The following NTRK3 variants were observed in gnomAD, a reference collection of about 807,000 sequenced individuals.
NTRK3 encodes NT-3 growth factor receptor.
A neutral mutation model predicts 91.7 loss-of-function variants in NTRK3; 24 were observed. The observed-to-expected ratio is 0.26, with a 90% CI of 0.19 to 0.37. The LOEUF is 0.37. Among genes scored for constraint, NTRK3 ranks in the 10% least tolerant of loss-of-function variants. The probability of loss-of-function intolerance (pLI) is 1.00; values close to 1 mark genes in which losing one functional copy is unlikely to be tolerated. For synonymous variants in NTRK3, 483 were observed against 404.0 expected, an observed-to-expected ratio of 1.20 and a Z score of -2.34; for missense variants, 880 against 1,068.9, an observed-to-expected ratio of 0.82 and a Z score of 2.46.
At chr15:88,140,763 T>C (rs2042312179) in intron 6 of NTRK3, among the ~76,000 whole-genome samples, 1 of 152,228 alleles carries the variant, frequency 6.6e-6, no homozygotes, top group African/African-American at 2.4e-5. Flanking sequence ...AAACAGATTC[T>C]ATTTCATTGT....
intron 17 of NTRK3, among the ~76,000 whole-genome samples, chr15:87,888,900 C>G (rs766315137): frequency 6.6e-6 from 1 of 152,098 alleles, no homozygotes; most frequent in African/African-American, 2.4e-5. Flanking sequence ...TCCTTTTATC[C>G]GCTGGGCTTT....
At chr15:88,204,061 G>A (rs2048525459) in intron 3 of NTRK3, among the ~76,000 whole-genome samples, 2 of 152,146 alleles carry the variant, frequency 1.3e-5, no homozygotes, top group African/African-American at 4.8e-5. Context: ...GCCCCAGTGT[G>A]TGATGTTCCT....
chr15:88,030,068 T>G (rs1237548064), intron 14 of NTRK3, among the ~76,000 whole-genome samples: 1 of 152,224 alleles, frequency 6.6e-6, no homozygotes, highest in Non-Finnish European at 1.5e-5. Context: ...AAGTCCCACT[T>G]CTTTAAAAGG....
chr15:88,135,833 C>G (rs942210626), intron 9 of NTRK3, 66 bp downstream of exon 9: 14 of 1,593,936 alleles, frequency 8.8e-6, no homozygotes, highest in Middle Eastern at 3.5e-4. Context: ...CACCTTGGCC[C>G]CTCTCCAGCC....
intron 17 of NTRK3, among the ~76,000 whole-genome samples, chr15:87,885,491 A>T (rs1428350228): frequency 6.6e-6 from 1 of 151,954 alleles, no homozygotes; most frequent in Non-Finnish European, 1.5e-5. Context: ...ACTCTATCAG[A>T]TAGCAAAGCA....
At chr15:88,055,033 C>T (rs570355967) in intron 13 of NTRK3, among the ~76,000 whole-genome samples, 1 of 152,272 alleles carries the variant, frequency 6.6e-6, no homozygotes, top group Admixed American at 6.5e-5. Flanking sequence ...AAACACTTCC[C>T]TGTGCTTTAC....
At chr15:88,072,665 G>C (rs1157393689) in intron 13 of NTRK3, 1 of 232,590 alleles carries the variant, frequency 4.3e-6, no homozygotes, top group African/African-American at 2.2e-5. Flanking sequence ...AGACACCCTT[G>C]GTTTGAAGAA....
intron 14 of NTRK3, chr15:87,978,683 G>A: frequency 4.3e-6 from 1 of 232,878 alleles, no homozygotes; most frequent in Non-Finnish European, 8.5e-6. Flanking sequence ...AGGAAGTAGG[G>A]GGCAAGTATG....
intron 14 of NTRK3, among the ~76,000 whole-genome samples, chr15:87,950,803 C>A (rs2071036983): frequency 6.6e-6 from 1 of 152,174 alleles, no homozygotes; most frequent in African/African-American, 2.4e-5. Context: ...GCTCTCTGCT[C>A]AAACCTGCAA....
At chr15:87,959,864 A>G (rs2072068226) in intron 14 of NTRK3, among the ~76,000 whole-genome samples, 1 of 152,234 alleles carries the variant, frequency 6.6e-6, no homozygotes, top group Non-Finnish European at 1.5e-5. Flanking sequence ...TCTCTGGGAC[A>G]CTGTCCCAAG....
intron 14 of NTRK3, among the ~76,000 whole-genome samples, chr15:87,946,051 T>C (rs1337834103): frequency 6.6e-6 from 1 of 152,192 alleles, no homozygotes; most frequent in African/African-American, 2.4e-5. Context: ...TCATTTCAAC[T>C]AGGAGCTCAA....
chr15:88,110,960 G>A (rs2051277392), intron 13 of NTRK3, among the ~76,000 whole-genome samples: 1 of 152,212 alleles, frequency 6.6e-6, no homozygotes, highest in African/African-American at 2.4e-5. Flanking sequence ...AAAGAGAGAA[G>A]GGACAACTTC....
exon 19 of NTRK3, chr15:87,864,738 C>G (rs2064617666): frequency 8.7e-6 from 2 of 229,046 alleles, no homozygotes; most frequent in East Asian, 1.2e-4. Context: ...TTCTAAAAAA[C>G]AGACACCAGC....
chr15:88,171,006 G>C (rs16941374), intron 5 of NTRK3, among the ~76,000 whole-genome samples: 2,493 of 152,238 alleles, frequency 0.016, 55 homozygotes, highest in African/African-American at 0.057. Context: ...AATGGGATGG[G>C]AGTTATCCTG....
At chr15:88,208,631 C>G (rs2048989356) in intron 3 of NTRK3, among the ~76,000 whole-genome samples, 1 of 152,118 alleles carries the variant, frequency 6.6e-6, no homozygotes, top group South Asian at 2.1e-4. Flanking sequence ...TGCCTGGCCA[C>G]AGAGTAGGCA....
At chr15:87,949,373 A>G (rs1482908766) in intron 14 of NTRK3, among the ~76,000 whole-genome samples, 16 of 152,010 alleles carry the variant, frequency 1.1e-4, no homozygotes, top group Admixed American at 1.0e-3. Context: ...GTCAGCTCTG[A>G]AGAAGCTCAG....
At chr15:88,123,300 G>C (rs376147407) in intron 13 of NTRK3, among the ~76,000 whole-genome samples, 10 of 152,282 alleles carry the variant, frequency 6.6e-5, no homozygotes, top group East Asian at 3.9e-4. Context: ...AAGCCAATGA[G>C]CAATTAAGTG....
intron 3 of NTRK3, among the ~76,000 whole-genome samples, chr15:88,220,013 G>C (rs1399558556): frequency 6.6e-6 from 1 of 152,214 alleles, no homozygotes; most frequent in Non-Finnish European, 1.5e-5. Flanking sequence ...ACTGCCAGGA[G>C]AGAGAGCTTC....
At chr15:87,914,463 G>A (rs141162009) in intron 17 of NTRK3, among the ~76,000 whole-genome samples, 63 of 152,312 alleles carry the variant, frequency 4.1e-4, no homozygotes, top group Non-Finnish European at 6.6e-4. Context: ...GGGAACCAAT[G>A]AGGATTCATG....
Sources: gnomAD v4.1 joint callset for allele counts (sites outside exome capture counted in the v4.1 genomes callset) on GRCh38, gnomAD v4.1.1 for gene constraint, MANE v1.5 for transcripts, NCBI Gene and HGNC (gene_info 2026-07-23, HGNC 2026-07-21) for gene names.